The following PDE1A variants were observed in gnomAD, a reference collection of about 807,000 sequenced individuals.
The protein encoded by PDE1A is phosphodiesterase 1A.
Under a neutral mutation model 61.7 loss-of-function variants are expected in PDE1A, and 35 were observed. That is an observed-to-expected ratio of 0.57 (90% confidence interval 0.43 to 0.75). PDE1A has a LOEUF of 0.75. Ranked by LOEUF, PDE1A falls within the 30% of genes least tolerant of loss-of-function variation. The pLI is 0.00. For missense variants in PDE1A, 597 were observed against 630.6 expected, an observed-to-expected ratio of 0.95 and a Z score of 0.57; for synonymous variants, 232 against 213.2, an observed-to-expected ratio of 1.09 and a Z score of -0.77.
chr2:182,299,977 T>G lies in PDE1A; in HGVS notation c.54-35563A>C, dbSNP rs77253639. On this transcript the variant is annotated intron_variant, in intron 1 of 13. Transcript: ENST00000351439. Reference sequence around the variant, plus strand: ...CACACTGTGACATATCTCAGACAGATAGTGGGAGATAAATCTTCCTAATTC... The same window carrying G: ...CACACTGTGACATATCTCAGACAGAGAGTGGGAGATAAATCTTCCTAATTC... Among the ~76,000 whole-genome samples the G allele has an allele frequency of 1.0e-2, 1,516 of 152,300 alleles. 27 individuals carry two copies. Among genetic ancestry groups the G allele is most frequent in the African/African-American group, 0.034 (1,420 of 41,564 alleles).
At chr2:182,522,599 T>A in intron 1 of PDE1A, 1 of 1,335,668 alleles carries the variant, frequency 7.5e-7, no homozygotes, top group Non-Finnish European at 9.6e-7. Flanking sequence ...CAGACAGCAG[T>A]ATAAACAGAT....
At chr2:182,490,983 C>G in intron 2 of PDE1A, among the ~76,000 whole-genome samples, 1 of 152,054 alleles carries the variant, frequency 6.6e-6, no homozygotes, top group East Asian at 1.9e-4. Flanking sequence ...AAGGAAGCAT[C>G]TGAGGTTTGA....
At chr2:182,373,726 T>C (rs1700242781) in intron 1 of PDE1A, among the ~76,000 whole-genome samples, 1 of 151,978 alleles carries the variant, frequency 6.6e-6, no homozygotes, top group South Asian at 2.1e-4. Flanking sequence ...GGCTGAAAAA[T>C]GAATATTTTT....
At chr2:182,703,404 A>T in the PDE1A span, among the ~76,000 whole-genome samples, 1 of 152,208 alleles carries the variant, frequency 6.6e-6, no homozygotes, top group Non-Finnish European at 1.5e-5. Flanking sequence ...ATGGTTAGAA[A>T]TTCCAATTCT....
chr2:182,469,400 T>C (rs1160607422), intron 2 of PDE1A, among the ~76,000 whole-genome samples: 2 of 151,924 alleles, frequency 1.3e-5, no homozygotes, highest in African/African-American at 4.8e-5. Flanking sequence ...TCTGCTAGCT[T>C]CAGACTTTTC....
chr2:182,626,012 T>A, the PDE1A span, among the ~76,000 whole-genome samples: 6 of 152,054 alleles, frequency 3.9e-5, no homozygotes, highest in African/African-American at 9.7e-5. Context: ...AAAAAACACC[T>A]CAGAATGGTA....
intron 2 of PDE1A, among the ~76,000 whole-genome samples, chr2:182,465,897 A>G (rs967651489): frequency 6.6e-6 from 1 of 152,116 alleles, no homozygotes; most frequent in Non-Finnish European, 1.5e-5. Context: ...TTGTGGCCCC[A>G]GTGTCTAGAG....
In PDE1A at chr2:182,323,598, T is replaced by C. The variant is rs186058850; in HGVS notation, c.54-59184A>G. On this transcript the variant is annotated intron_variant, in intron 1 of 13. Coordinates refer to ENST00000351439, the Ensembl canonical transcript of PDE1A. ...CTTCTTGGAGGCAGGGGAAATTCTT[T>C]GGAAGATTTAAGTGCCTGTCGGAGG... is the stretch of plus-strand genomic sequence containing the variant. 2.5e-3 allele frequency among the ~76,000 whole-genome samples: 381 copies of C among 152,308 alleles called. 1 individual carries two copies. The highest frequency in any genetic ancestry group is 4.2e-3 in the Non-Finnish European group (284 of 68,022).
chr2:182,169,246 AGTAGAGTTATGG>A (rs1691900185), intron 13 of PDE1A, among the ~76,000 whole-genome samples: 1 of 152,070 alleles, frequency 6.6e-6, no homozygotes, highest in African/African-American at 2.4e-5. Flanking sequence ...TCTCCAGTTT[AGTAGAGTTATGG>A]AAATACAGTT....
chr2:182,379,246 C>T (rs1700588981), intron 1 of PDE1A, among the ~76,000 whole-genome samples: 1 of 152,196 alleles, frequency 6.6e-6, no homozygotes, highest in Non-Finnish European at 1.5e-5. Context: ...TTACAATGTT[C>T]TAAAATGGAT....
chr2:182,570,160 G>A, the PDE1A span, among the ~76,000 whole-genome samples: 1 of 151,986 alleles, frequency 6.6e-6, no homozygotes, highest in East Asian at 1.9e-4. Context: ...TCAAAGGGGA[G>A]ATAAAATGTT....
chr2:182,499,173 GTTT>G (rs545033513), intron 2 of PDE1A, among the ~76,000 whole-genome samples: 20,227 of 75,398 alleles, frequency 0.27, 1,210 homozygotes, highest in East Asian at 0.53. Flanking sequence ...TCTTTTTCTT[GTTT>G]TTTTTTTTTT....
intron 2 of PDE1A, among the ~76,000 whole-genome samples, chr2:182,465,423 T>TA (rs1686592878): frequency 6.6e-6 from 1 of 151,366 alleles, no homozygotes; most frequent in Non-Finnish European, 1.5e-5. Context: ...ATTTTTTTTT[T>TA]AAATCTGATA....
chr2:182,694,649 G>T, the PDE1A span, among the ~76,000 whole-genome samples: 3 of 152,116 alleles, frequency 2.0e-5, no homozygotes, highest in South Asian at 4.1e-4. Context: ...ACAGAAAAAG[G>T]CACATATCCT....
intron 2 of PDE1A, among the ~76,000 whole-genome samples, chr2:182,451,189 T>C (rs1319478692): frequency 7.6e-5 from 2 of 26,386 alleles, no homozygotes; most frequent in African/African-American, 2.8e-4. Flanking sequence ...CCATCCCGGC[T>C]AACACGGTGA....
At chr2:182,565,284 A>T in the PDE1A span, among the ~76,000 whole-genome samples, 1 of 152,164 alleles carries the variant, frequency 6.6e-6, no homozygotes, top group Non-Finnish European at 1.5e-5. Context: ...CAGGACCCTC[A>T]GCTGCAGGTC....
chr2:182,686,748 A>G, the PDE1A span, among the ~76,000 whole-genome samples: 203 of 152,354 alleles, frequency 1.3e-3, 4 homozygotes, highest in South Asian at 0.038. Context: ...TTACCCGGGA[A>G]ACGCAAGGGC....
chr2:182,307,630 G>C (rs113342437), intron 1 of PDE1A, among the ~76,000 whole-genome samples: 196 of 152,154 alleles, frequency 1.3e-3, no homozygotes, highest in Non-Finnish European at 2.1e-3. Context: ...ACCAAAATGA[G>C]ATATCGTCAC....
chr2:182,402,412 C>G (rs1294965467), intron 1 of PDE1A, among the ~76,000 whole-genome samples: 2 of 152,170 alleles, frequency 1.3e-5, no homozygotes, highest in African/African-American at 4.8e-5. Flanking sequence ...CTGACAAAAA[C>G]AAGCAATGGG....
Sources: allele counts gnomAD v4.1 joint callset (sites outside exome capture counted in the v4.1 genomes callset), GRCh38; gene constraint gnomAD v4.1.1; transcripts MANE v1.5; gene names NCBI Gene and HGNC (gene_info 2026-07-23, HGNC 2026-07-21).